CDH5: variants seen among roughly 807,000 people sequenced by gnomAD.
CDH5 encodes cadherin-5.
A neutral mutation model predicts 62.0 loss-of-function variants in CDH5; 28 were observed. The observed-to-expected ratio is 0.45, with a 90% CI of 0.33 to 0.62. CDH5 has a LOEUF of 0.62. Among genes scored for constraint, CDH5 ranks in the 20% least tolerant of loss-of-function variants. The probability of loss-of-function intolerance (pLI) is 0.02; values close to 1 mark genes in which losing one functional copy is unlikely to be tolerated. For missense variants in CDH5, 940 were observed against 1,065.1 expected, an observed-to-expected ratio of 0.88 and a Z score of 1.63; for synonymous variants, 464 against 445.8, an observed-to-expected ratio of 1.04 and a Z score of -0.52.
chr16:66,395,503 C>CTTTTTTTTTTGTTTTTTTT (rs1961164923), intron 7 of CDH5: 1 of 80,956 alleles, frequency 1.2e-5, no homozygotes, highest in Admixed American at 1.6e-4. Flanking sequence ...CTTTTCTTTT[C>CTTTTTTTTTTGTTTTTTTT]TTTTTTTTTT....
intron 9 of CDH5, 107 bp from the exon 10 acceptor site, chr16:66,398,349 G>C (rs1961223858): frequency 7.1e-6 from 6 of 847,760 alleles, no homozygotes; most frequent in Non-Finnish European, 1.2e-5. Flanking sequence ...TTGCAGGTGG[G>C]AAACAGCCAT....
chr16:66,381,523 A>G (rs992900617), intron 2 of CDH5, among the ~76,000 whole-genome samples: 1 of 152,242 alleles, frequency 6.6e-6, no homozygotes, highest in Admixed American at 6.5e-5. Context: ...TGAGGAAGAA[A>G]GTTTATTTTG....
chr16:66,391,094 T>C (rs1359336078), intron 6 of CDH5, among the ~76,000 whole-genome samples: 1 of 152,046 alleles, frequency 6.6e-6, no homozygotes, highest in Non-Finnish European at 1.5e-5. Context: ...GAAGCCAGAT[T>C]AACTGAATCT....
chr16:66,385,330 A>G (rs1960964859), intron 2 of CDH5, among the ~76,000 whole-genome samples: 1 of 152,220 alleles, frequency 6.6e-6, no homozygotes, highest in South Asian at 2.1e-4. Flanking sequence ...CTTTACATAT[A>G]TTATTTTCCA....
intron 6 of CDH5, among the ~76,000 whole-genome samples, chr16:66,391,349 G>A (rs1464878880): frequency 6.6e-6 from 1 of 152,104 alleles, no homozygotes; most frequent in African/African-American, 2.4e-5. Context: ...TGAACAGGGA[G>A]CAATTACCTC....
At chr16:66,386,262 G>A (rs1293923270) in intron 2 of CDH5, among the ~76,000 whole-genome samples, 1 of 151,098 alleles carries the variant, frequency 6.6e-6, no homozygotes, top group African/African-American at 2.5e-5. Context: ...ACTAGTCAGA[G>A]GTTCTTTTTT....
rs183860783 is a variant in CDH5 at position 66,369,229 on chromosome 16, G to A, written c.-20+2471G>A. On this transcript the variant is annotated intron_variant, in intron 1 of 11. Transcript: ENST00000341529. ...GGGGCAGGCCGGGCTGGTGGTGAAT[G>A]AGATTTCCTTCTGCAGAGGAACAGA... Among the ~76,000 whole-genome samples the A allele has an allele frequency of 1.8e-3, 273 of 152,318 alleles. 1 individual carries two copies. Among genetic ancestry groups the A allele is most frequent in the Non-Finnish European group, 6.3e-4 (43 of 68,036 alleles).
intron 8 of CDH5, 123 bp downstream of exon 8, chr16:66,396,324 T>A: frequency 8.5e-7 from 1 of 1,174,034 alleles, no homozygotes; most frequent in Non-Finnish European, 1.2e-6. Flanking sequence ...AAGCACCCGC[T>A]GGTTGGGATG....
Position 66,396,053 on chromosome 16 carries a change from G to A in CDH5, c.1218-6G>A, listed in dbSNP as rs778498381. 2.5e-6 allele frequency: 4 copies of A among 1,613,240 alleles called. No individual in the cohort carries two copies. The highest frequency in any genetic ancestry group is 3.4e-6 in the Non-Finnish European group (4 of 1,179,876). ...GGAAAGCCATGAAACTCTCTCCCCT[G>A]GGCAGATACTCCATCCGCAGGACCA... On this transcript the variant is annotated splice_polypyrimidine_tract_variant and splice_region_variant and intron_variant, in intron 7 of 11. Transcript: ENST00000341529.
intron 11 of CDH5, among the ~76,000 whole-genome samples, chr16:66,401,855 C>T (rs1961288925): frequency 6.6e-6 from 1 of 152,198 alleles, no homozygotes. Context: ...AGGAAGCCCT[C>T]AGGTGATTAG....
chr16:66,385,441 G>C (rs1311461226), intron 2 of CDH5, among the ~76,000 whole-genome samples: 2 of 152,202 alleles, frequency 1.3e-5, no homozygotes, highest in African/African-American at 4.8e-5. Flanking sequence ...GCTCACTGGA[G>C]TTCTTTTCTG....
Position 66,398,431 on chromosome 16 carries a change from C to T in CDH5, c.1486-25C>T, listed in dbSNP as rs201219455. The T allele has an allele frequency of 5.6e-6, 8 of 1,420,298 alleles. No homozygotes were observed. In the East Asian group the frequency reaches 1.4e-4, roughly 24 times the overall value. 88.0% of individuals were successfully genotyped at this position (1,420,298 alleles called of 1,614,324 possible). A position where few individuals can be genotyped will look rare whatever the true frequency, so the allele number is the denominator to read the frequency against. Reference sequence around the variant, plus strand: ...CCCACCACCCCACCACCATCACTGACCATCTCCTGTCTTCCACACTCCAGC... The same window carrying T: ...CCCACCACCCCACCACCATCACTGATCATCTCCTGTCTTCCACACTCCAGC... On this transcript the variant is annotated intron_variant, in intron 9 of 11. Coordinates refer to ENST00000341529, the MANE Select transcript of CDH5 (RefSeq NM_001795.5).
intron 1 of CDH5, among the ~76,000 whole-genome samples, chr16:66,376,850 A>T (rs1277997178): frequency 6.6e-6 from 1 of 151,668 alleles, no homozygotes; most frequent in African/African-American, 2.4e-5. Flanking sequence ...ATTACTGCAG[A>T]CTCCCCAAGG....
intron 7 of CDH5, 56 bp from the exon 8 acceptor site, chr16:66,396,003 G>A: frequency 6.4e-7 from 1 of 1,559,720 alleles, no homozygotes; most frequent in Non-Finnish European, 8.8e-7. Flanking sequence ...TCATGCTGAG[G>A]AGTGTAGACT....
intron 6 of CDH5, among the ~76,000 whole-genome samples, chr16:66,391,050 T>G (rs930744022): frequency 6.6e-6 from 1 of 152,160 alleles, no homozygotes; most frequent in Non-Finnish European, 1.5e-5. Context: ...GTGACATGGA[T>G]GGCCACTGAC....
intron 1 of CDH5, among the ~76,000 whole-genome samples, chr16:66,371,514 G>A (rs1960689569): frequency 6.6e-6 from 1 of 152,190 alleles, no homozygotes; most frequent in South Asian, 2.1e-4. Context: ...GCAAAGAGGA[G>A]CCCTGCAGGA....
intron 11 of CDH5, among the ~76,000 whole-genome samples, chr16:66,401,233 G>C (rs1961276708): frequency 6.6e-6 from 1 of 152,198 alleles, no homozygotes; most frequent in Non-Finnish European, 1.5e-5. Flanking sequence ...CCAGGGAGGA[G>C]GAGGGGGTGG....
chr16:66,403,027 C>A lies in CDH5; in HGVS notation c.2213C>A (p.Ser738Tyr). 1.2e-6 allele frequency: 2 copies of A among 1,613,394 alleles called. No individual in the cohort carries two copies. Among genetic ancestry groups the A allele is most frequent in the South Asian group, 1.1e-5 (1 of 90,962 alleles). Residue 738 changes from serine to tyrosine, a missense_variant, in exon 12 of 12, where the codon TCC (serine) becomes TAC (tyrosine). Ser to Tyr is a moderately radical substitution (Grantham distance 144, BLOSUM62 -2). Coordinates refer to ENST00000341529, the MANE Select transcript of CDH5 (RefSeq NM_001795.5). This position sits in a 1 kb window ranked among gnomAD's most constrained non-coding sequence, Gnocchi z 4.3. ...LHIYGYEGSE[S>Y]IAESLSSLGT... is the part of the protein sequence containing the mutation. Reference sequence around the variant, plus strand: ...ATCTACGGCTACGAGGGCTCCGAGTCCATAGCCGAGTCCCTCAGCTCCCTG... The same window carrying A: ...ATCTACGGCTACGAGGGCTCCGAGTACATAGCCGAGTCCCTCAGCTCCCTG...
intron 10 of CDH5, among the ~76,000 whole-genome samples, chr16:66,399,861 T>C (rs1961250858): frequency 6.6e-6 from 1 of 152,254 alleles, no homozygotes; most frequent in African/African-American, 2.4e-5. Flanking sequence ...TATAATAGAC[T>C]TAATGCTGAA....
Sources: gnomAD v4.1 joint callset for allele counts (sites outside exome capture counted in the v4.1 genomes callset) on GRCh38, gnomAD v4.1.1 for gene constraint, Gnocchi (gnomAD v3.1) non-coding constraint, MANE v1.5 for transcripts, NCBI Gene and HGNC (gene_info 2026-07-23, HGNC 2026-07-21) for gene names.